DNAJC1: variants seen among roughly 807,000 people sequenced by gnomAD.
DNAJC1 encodes dnaJ homolog subfamily C member 1.
DNAJC1 carries 58 observed loss-of-function variants against 76.6 expected under a neutral mutation model. The ratio of observed to expected loss-of-function variants is 0.76; its 90% confidence interval spans 0.61 to 0.94. DNAJC1 has a LOEUF of 0.94. Among genes scored for constraint, DNAJC1 ranks in the 40% least tolerant of loss-of-function variants. DNAJC1 has a pLI of 0.00. For missense variants in DNAJC1, 689 were observed against 677.3 expected (o/e 1.02, Z -0.19); for synonymous variants, 258 against 267.9 (o/e 0.96, Z 0.36).
chr10:21,790,321 A>G (rs1473116628), intron 9 of DNAJC1, among the ~76,000 whole-genome samples: 1 of 151,998 alleles, frequency 6.6e-6, no homozygotes, highest in African/African-American at 2.4e-5. Flanking sequence ...GAGACCCCCA[A>G]ATAGATTCAA....
chr10:21,792,738 G>GGGCGCTCC (rs1423726755), intron 9 of DNAJC1, among the ~76,000 whole-genome samples: 2 of 136,248 alleles, frequency 1.5e-5, no homozygotes, highest in African/African-American at 5.7e-5. Context: ...CAGCCTGGGT[G>GGGCGCTCC]ACAGAGTGAG....
chr10:21,762,396 G>A (rs773819164), intron 10 of DNAJC1, among the ~76,000 whole-genome samples: 1 of 152,062 alleles, frequency 6.6e-6, no homozygotes, highest in Non-Finnish European at 1.5e-5. Flanking sequence ...CTCAATTAAA[G>A]GTCTGGCTCC....
intron 1 of DNAJC1, among the ~76,000 whole-genome samples, chr10:21,936,496 A>G (rs1162721221): frequency 6.6e-6 from 1 of 152,248 alleles, no homozygotes; most frequent in Non-Finnish European, 1.5e-5. Context: ...GTCATAAACA[A>G]ATAATATAAA....
At chr10:21,993,693 A>C (rs1838365182) in intron 1 of DNAJC1, among the ~76,000 whole-genome samples, 1 of 152,078 alleles carries the variant, frequency 6.6e-6, no homozygotes, top group Non-Finnish European at 1.5e-5. Flanking sequence ...TGGTATTCTC[A>C]GCTACTACCT....
At chr10:21,853,593 C>T (rs1835787715) in intron 8 of DNAJC1, among the ~76,000 whole-genome samples, 1 of 151,626 alleles carries the variant, frequency 6.6e-6, no homozygotes, top group South Asian at 2.1e-4. Context: ...AAAACTGTCA[C>T]TGACAGCCTG....
In DNAJC1 at chr10:21,903,966, G is replaced by A. The variant is rs186333665; in HGVS notation, c.820+556C>T. ...AGGCAAAAATAGACAAAAGGACTGC[G>A]GCTGAGAAAATACCTTTTTACATAA... is the stretch of plus-strand genomic sequence containing the variant. On this transcript the variant is annotated intron_variant, in intron 7 of 11. Transcript: ENST00000376980. 2.4e-4 allele frequency among the ~76,000 whole-genome samples: 37 copies of A among 152,212 alleles called. No homozygotes were observed. The East Asian group carries it at 6.2e-3, about 25-fold the overall frequency.
At chr10:21,894,645 A>C (rs957895704) in intron 7 of DNAJC1, among the ~76,000 whole-genome samples, 1 of 152,240 alleles carries the variant, frequency 6.6e-6, no homozygotes, top group Non-Finnish European at 1.5e-5. Flanking sequence ...TACCAATACC[A>C]AGGTAACACA....
chr10:21,882,570 A>G (rs1008184972), intron 7 of DNAJC1, 131 bp from the exon 8 acceptor site: 4 of 628,154 alleles, frequency 6.4e-6, no homozygotes, highest in Middle Eastern at 4.4e-4. Flanking sequence ...ATAATTGGCT[A>G]TAACTTTTAT....
At chr10:21,957,236 G>A (rs1160703341) in intron 1 of DNAJC1, among the ~76,000 whole-genome samples, 4 of 152,114 alleles carry the variant, frequency 2.6e-5, no homozygotes, top group African/African-American at 9.6e-5. Context: ...GCCAATCCCT[G>A]ATTATAGCAC....
chr10:21,948,020 G>A (rs974388707), intron 1 of DNAJC1, among the ~76,000 whole-genome samples: 1 of 151,222 alleles, frequency 6.6e-6, no homozygotes, highest in Admixed American at 6.6e-5. Flanking sequence ...CCTCTCTAAT[G>A]TCATGATTCA....
At chr10:21,881,432 TAA>T (rs2131721020) in intron 8 of DNAJC1, among the ~76,000 whole-genome samples, 1 of 152,284 alleles carries the variant, frequency 6.6e-6, no homozygotes, top group South Asian at 2.1e-4. Flanking sequence ...CATTTTTATG[TAA>T]AGTGATACAC....
chr10:21,795,772 GAAC>G (rs1033216916), intron 9 of DNAJC1, among the ~76,000 whole-genome samples: 2 of 152,146 alleles, frequency 1.3e-5, no homozygotes, highest in Admixed American at 6.6e-5. Context: ...TATATCCATT[GAAC>G]AACAACTCTC....
At chr10:21,890,021 C>A (rs922100202) in intron 7 of DNAJC1, among the ~76,000 whole-genome samples, 2 of 152,160 alleles carry the variant, frequency 1.3e-5, no homozygotes, top group Non-Finnish European at 2.9e-5. Context: ...CCTTCTCCTG[C>A]TAATAAAGTC....
intron 1 of DNAJC1, among the ~76,000 whole-genome samples, chr10:21,986,524 T>C (rs1358958779): frequency 6.6e-6 from 1 of 152,186 alleles, no homozygotes; most frequent in East Asian, 1.9e-4. Context: ...CTTCTATTCC[T>C]AGTTTGTTGA....
chr10:21,798,943 A>C (rs1384125808), intron 9 of DNAJC1, among the ~76,000 whole-genome samples: 1 of 152,216 alleles, frequency 6.6e-6, no homozygotes, highest in African/African-American at 2.4e-5. Context: ...GCCATATCAG[A>C]GTTTGGGAGG....
chr10:21,976,585 C>A (rs1838066915), intron 1 of DNAJC1, among the ~76,000 whole-genome samples: 2 of 152,184 alleles, frequency 1.3e-5, no homozygotes, highest in Non-Finnish European at 2.9e-5. Context: ...AAAATGCCAA[C>A]AGACCATATT....
chr10:21,784,824 C>T (rs1564787181), intron 9 of DNAJC1, among the ~76,000 whole-genome samples: 1 of 152,004 alleles, frequency 6.6e-6, no homozygotes, highest in East Asian at 1.9e-4. Context: ...ACTGCATGTT[C>T]TCACACATAG....
intron 1 of DNAJC1, among the ~76,000 whole-genome samples, chr10:21,961,186 A>C (rs1384295558): frequency 6.6e-6 from 1 of 152,210 alleles, no homozygotes; most frequent in African/African-American, 2.4e-5. Context: ...AAAGTTAAAC[A>C]CTGAATTACC....
rs539809161 is a variant in DNAJC1, at chr10:21,782,556, C to T, written c.1099-16247G>A. ...TTCCTCCCTAACTCATTTTATGAGGCCAGCATCATCCTGATACCAAAGCCT... is the reference window on the plus strand; with the variant it reads ...TTCCTCCCTAACTCATTTTATGAGGTCAGCATCATCCTGATACCAAAGCCT... On this transcript the variant is annotated intron_variant, in intron 9 of 11. Transcript: ENST00000376980. Among the ~76,000 whole-genome samples the T allele has an allele frequency of 1.5e-4, 23 of 152,260 alleles. No homozygotes were observed. The East Asian group carries it at 4.2e-3, about 28-fold the overall frequency.
Sources: gnomAD v4.1 joint callset for allele counts (sites outside exome capture counted in the v4.1 genomes callset) on GRCh38, gnomAD v4.1.1 for gene constraint, MANE v1.5 for transcripts, NCBI Gene and HGNC (gene_info 2026-07-23, HGNC 2026-07-21) for gene names.